DDX19A: variants seen among roughly 807,000 people sequenced by gnomAD.
DDX19A encodes the protein ATP-dependent RNA helicase DDX19A.
In DDX19A, 12 loss-of-function variants were observed where a neutral mutation model predicts 60.6. The observed-to-expected ratio is 0.20, with a 90% CI of 0.13 to 0.32. The LOEUF (loss-of-function observed/expected upper bound fraction) is 0.32. Among genes scored for constraint, DDX19A ranks in the 10% least tolerant of loss-of-function variants. The pLI, the probability that DDX19A is intolerant of heterozygous loss-of-function variation, is 1.00. For synonymous variants in DDX19A, 206 were observed against 218.2 expected (o/e 0.94, Z 0.49); for missense variants, 337 against 600.6 (o/e 0.56, Z 4.59).
At chr16:70,356,378 C>CA (rs1964184525) in intron 4 of DDX19A, 131 bp downstream of exon 4, 6 of 1,388,692 alleles carry the variant, frequency 4.3e-6, no homozygotes, top group Non-Finnish European at 5.8e-6. Context: ...TTTTTCGAGA[C>CA]AGAGTTTCGC....
chr16:70,362,490 A>G (rs917133304), intron 5 of DDX19A, among the ~76,000 whole-genome samples: 1 of 152,188 alleles, frequency 6.6e-6, no homozygotes, highest in Non-Finnish European at 1.5e-5. Flanking sequence ...ACACCTCTGT[A>G]GCCCTATCCT....
chr16:70,371,602 CT>C, intron 11 of DDX19A, 39 bp downstream of exon 11: 1 of 1,070,666 alleles, frequency 9.3e-7, no homozygotes, highest in African/African-American at 1.6e-5. Flanking sequence ...GCGCCCTTTG[CT>C]AAGTAGGGCG....
chr16:70,370,598 A>T (rs1424028882), intron 10 of DDX19A: 1 of 715,854 alleles, frequency 1.4e-6, no homozygotes, highest in Non-Finnish European at 2.1e-6. Context: ...TGCAATCCCA[A>T]GGCAGGAAAA....
Position 70,346,952 on chromosome 16 carries a change from A to G in DDX19A, c.-40A>G, listed in dbSNP as rs748657054. ...TAGGGCCCGCGTTGCGACGTGGTGCAGCGCATATTTTCACAAGTGGGTCTC... is the reference window on the plus strand; with the variant it reads ...TAGGGCCCGCGTTGCGACGTGGTGCGGCGCATATTTTCACAAGTGGGTCTC... On this transcript the variant is annotated 5_prime_UTR_variant, in exon 1 of 12. Transcript: ENST00000302243. 1 of 1,539,270 alleles carries G rather than the reference A, an allele frequency of 6.5e-7. No homozygotes were observed.
At chr16:70,348,019 C>G (rs1435099720) in intron 1 of DDX19A, 1 of 446,668 alleles carries the variant, frequency 2.2e-6, no homozygotes, top group South Asian at 1.6e-5. Flanking sequence ...GGGCTATTGA[C>G]AGAATTAGAC....
intron 4 of DDX19A, 60 bp downstream of exon 4, chr16:70,356,307 G>C (rs1055153012): frequency 3.4e-5 from 54 of 1,579,224 alleles, no homozygotes; most frequent in Admixed American, 5.8e-5. Flanking sequence ...ATAAAACTTA[G>C]CATCTGAGAG....
At position 70,364,548 on chromosome 16, in the gene DDX19A, A is replaced by C. The variant is rs745701104; in HGVS notation, c.392A>C (p.Gln131Pro). 1.9e-5 allele frequency: 31 copies of C among 1,612,818 alleles called. No homozygotes were observed. In the South Asian group the frequency reaches 3.4e-4, roughly 18 times the overall value. The change falls in exon 6 of 12, where the codon CAG becomes CCG. Residue 131 changes from glutamine to proline, a missense_variant. By Grantham distance (76) the Gln-to-Pro change is moderately conservative. Around this residue, in one of 6 missense-constraint regions of DDX19A, gnomAD observed 127 missense variants for 160.3 expected, o/e 0.79. Coordinates refer to ENST00000302243, the MANE Select transcript of DDX19A (RefSeq NM_018332.5). The stretch of plus-strand genomic sequence containing the variant: ...TCTGTTCTTCCTTGATCCAGCCCAC[A>C]GAATCTGATTGCCCAGTCTCAGTCT... ...ALPMMLAEPP[Q>P]NLIAQSQSGT... is the part of the protein sequence containing the mutation.
intron 9 of DDX19A, among the ~76,000 whole-genome samples, chr16:70,369,720 G>A (rs958988678): frequency 1.3e-5 from 2 of 149,730 alleles, no homozygotes; most frequent in Non-Finnish European, 3.0e-5. Context: ...AGGTTTAAGC[G>A]ATTCTCCTGC....
At position 70,371,475 on chromosome 16, in the gene DDX19A, G is replaced by A. The variant is rs578074525; in HGVS notation, c.1287G>A (p.Thr429=). The A allele has an allele frequency of 3.7e-5, 59 of 1,606,056 alleles. No homozygotes were observed. Among genetic ancestry groups the A allele is most frequent in the Admixed American group, 3.2e-4 (19 of 58,928 alleles). Residue 429 remains threonine, a synonymous_variant, in exon 11 of 12, where the codon ACG becomes ACA. Coordinates refer to ENST00000302243, the MANE Select transcript of DDX19A (RefSeq NM_018332.5). ...NETYLHRIGR[T]GRFGKRGLAV... is the part of the protein sequence containing the mutation. ...CCTACCTGCACCGGATCGGGCGCACGGGCCGCTTTGGCAAGAGGGGCCTGG... is the reference window on the plus strand; with the variant it reads ...CCTACCTGCACCGGATCGGGCGCACAGGCCGCTTTGGCAAGAGGGGCCTGG...
At chr16:70,367,848 G>C (rs1386633907) in intron 9 of DDX19A, among the ~76,000 whole-genome samples, 1 of 150,856 alleles carries the variant, frequency 6.6e-6, no homozygotes, top group East Asian at 2.0e-4. Flanking sequence ...CTGCACTCCA[G>C]CCTGGGTGAG....
chr16:70,353,587 T>C (rs1443135367), intron 2 of DDX19A, among the ~76,000 whole-genome samples: 2 of 151,980 alleles, frequency 1.3e-5, no homozygotes, highest in South Asian at 2.1e-4. Flanking sequence ...AGGGAAACAC[T>C]CTCATTCTTG....
At position 70,371,300 on chromosome 16, in the gene DDX19A, C is replaced by T. The variant is rs1041098869; in HGVS notation, c.1184-72C>T. ...CTATCCCAAAGTTGGTACGCATTGA[C>T]CTACCTATGGATGACAGTGATTTCT... On this transcript the variant is annotated intron_variant, in intron 10 of 11. Transcript: ENST00000302243. The T allele has an allele frequency of 2.5e-6, 4 of 1,613,876 alleles. No homozygotes were observed. In the African/African-American group the frequency reaches 5.3e-5, roughly 22 times the overall value.
chr16:70,352,131 C>T (rs557669423), intron 2 of DDX19A, among the ~76,000 whole-genome samples: 1 of 152,200 alleles, frequency 6.6e-6, no homozygotes, highest in East Asian at 1.9e-4. Context: ...AATATTCTTC[C>T]AAAGACTTTA....
chr16:70,361,288 TA>T, intron 4 of DDX19A, 129 bp from the exon 5 acceptor site: 1 of 734,986 alleles, frequency 1.4e-6, no homozygotes, highest in South Asian at 1.6e-5. Flanking sequence ...AGTGTTTTTT[TA>T]AGGCATAGGA....
chr16:70,355,690 G>T, intron 3 of DDX19A, 155 bp downstream of exon 3: 1 of 653,734 alleles, frequency 1.5e-6, no homozygotes, highest in Non-Finnish European at 2.7e-6. Flanking sequence ...GTCCGAAAGC[G>T]GTAGCTCACA....
intron 3 of DDX19A, chr16:70,355,873 G>A (rs971546579): frequency 1.7e-6 from 1 of 595,062 alleles, no homozygotes; most frequent in East Asian, 2.8e-5. Flanking sequence ...GAGGTGGGAC[G>A]ATTGCCAGAG....
intron 9 of DDX19A, among the ~76,000 whole-genome samples, chr16:70,369,173 G>GTTT (rs560443179): frequency 4.4e-4 from 42 of 96,326 alleles, no homozygotes; most frequent in Non-Finnish European, 5.7e-4. Context: ...GGCCAATCTG[G>GTTT]TTTTTTTTTT....
chr16:70,355,889 G>A, intron 3 of DDX19A: 1 of 624,456 alleles, frequency 1.6e-6, no homozygotes, highest in Non-Finnish European at 2.7e-6. Flanking sequence ...CAGAGCCCAG[G>A]AATTCTAGAC....
chr16:70,350,485 T>C (rs950197407), intron 1 of DDX19A, 72 bp from the exon 2 acceptor site: 14 of 1,207,422 alleles, frequency 1.2e-5, no homozygotes, highest in Middle Eastern at 2.1e-4. Flanking sequence ...TACTAGAAAG[T>C]TTTTCTTTTC....
Sources: gnomAD v4.1 joint callset for allele counts (sites outside exome capture counted in the v4.1 genomes callset) on GRCh38, gnomAD v4.1.1 for gene constraint, gnomAD v4.1.1 regional missense constraint, MANE v1.5 for transcripts, NCBI Gene and HGNC (gene_info 2026-07-23, HGNC 2026-07-21) for gene names.